The following STK39 variants were observed in gnomAD, a reference collection of about 807,000 sequenced individuals.
The protein encoded by STK39 is serine/threonine kinase 39.
Under a neutral mutation model 77.8 loss-of-function variants are expected in STK39, and 20 were observed. The observed-to-expected ratio is 0.26, with a 90% confidence interval of 0.18 to 0.37. The LOEUF is 0.37. Among genes scored for constraint, STK39 ranks in the 10% least tolerant of loss-of-function variants. The pLI is 1.00. For missense variants in STK39, 479 were observed against 656.5 expected (o/e 0.73, Z 2.95); for synonymous variants, 246 against 234.1 (o/e 1.05, Z -0.47).
chr2:168,047,825 A>AG (rs1685284043), intron 14 of STK39, among the ~76,000 whole-genome samples: 1 of 152,204 alleles, frequency 6.6e-6, no homozygotes, highest in Non-Finnish European at 1.5e-5. Flanking sequence ...AATGAGTCAA[A>AG]GGGTTTTAAA....
chr2:168,107,979 A>C (rs116072871), intron 10 of STK39, among the ~76,000 whole-genome samples: 1 of 152,340 alleles, frequency 6.6e-6, no homozygotes, highest in East Asian at 1.9e-4. Context: ...TTCCAAGCCA[A>C]CCAAATTTTA....
At chr2:168,223,556 A>C (rs1241487405) in intron 1 of STK39, among the ~76,000 whole-genome samples, 3 of 151,814 alleles carry the variant, frequency 2.0e-5, no homozygotes, top group Non-Finnish European at 4.4e-5. Context: ...TCTTATCCTG[A>C]AGTTTGAGAA....
At position 168,247,461 on chromosome 2, in the gene STK39, C is replaced by A; in HGVS notation, c.-26G>T. 7.7e-7 allele frequency: 1 copy of A among 1,305,528 alleles called. No individual in the cohort carries two copies. The highest frequency in any genetic ancestry group is 9.9e-7 in the Non-Finnish European group (1 of 1,012,840). 80.9% of individuals were successfully genotyped at this position (1,305,528 alleles called of 1,614,324 possible). ...GATGCTGCGGAGGAGAGCAGGAGGA[C>A]GCGCCGGCCGACGGACGACCTTCCA... On this transcript the variant is annotated 5_prime_UTR_variant, in exon 1 of 18. Transcript: ENST00000355999.
At chr2:168,070,090 T>A (rs983806696) in intron 12 of STK39, among the ~76,000 whole-genome samples, 2 of 152,284 alleles carry the variant, frequency 1.3e-5, no homozygotes, top group East Asian at 1.9e-4. Flanking sequence ...AATAATGGGA[T>A]AACAGTTGAA....
chr2:168,215,177 G>T (rs912714530), intron 1 of STK39, among the ~76,000 whole-genome samples: 1 of 152,130 alleles, frequency 6.6e-6, no homozygotes, highest in African/African-American at 2.4e-5. Context: ...TTGTAGAGTT[G>T]TTTTTTATGC....
intron 17 of STK39, among the ~76,000 whole-genome samples, chr2:167,956,529 A>T (rs972171848): frequency 2.7e-5 from 4 of 148,200 alleles, no homozygotes; most frequent in Admixed American, 2.0e-4. Context: ...GTGCCACTGC[A>T]CTCCAGCCTG....
chr2:168,161,512 A>G (rs1415517149), intron 5 of STK39, among the ~76,000 whole-genome samples: 2 of 152,250 alleles, frequency 1.3e-5, no homozygotes, highest in African/African-American at 4.8e-5. Flanking sequence ...TATTACCATT[A>G]TAAAATGTGA....
At chr2:168,133,753 G>A (rs1471755958) in intron 8 of STK39, among the ~76,000 whole-genome samples, 1 of 151,966 alleles carries the variant, frequency 6.6e-6, no homozygotes, top group Non-Finnish European at 1.5e-5. Context: ...AGCTACTCAG[G>A]AGGCTGAGGC....
intron 16 of STK39, among the ~76,000 whole-genome samples, chr2:168,010,046 A>C (rs1264935613): frequency 6.6e-6 from 1 of 152,168 alleles, no homozygotes; most frequent in Non-Finnish European, 1.5e-5. Context: ...AGAAGATGTG[A>C]CCTAATGCCT....
intron 8 of STK39, among the ~76,000 whole-genome samples, chr2:168,134,919 G>A (rs1044374708): frequency 6.6e-6 from 1 of 152,132 alleles, no homozygotes; most frequent in African/African-American, 2.4e-5. Context: ...TTAGGCAAGA[G>A]AAATAATAAA....
At chr2:167,968,497 G>C (rs932439921) in intron 16 of STK39, among the ~76,000 whole-genome samples, 1 of 152,214 alleles carries the variant, frequency 6.6e-6, no homozygotes, top group Non-Finnish European at 1.5e-5. Context: ...TCTGGTAACA[G>C]TGAGTTAATT....
At chr2:168,027,883 T>C (rs1215708771) in intron 14 of STK39, among the ~76,000 whole-genome samples, 1 of 152,216 alleles carries the variant, frequency 6.6e-6, no homozygotes, top group Middle Eastern at 3.2e-3. Context: ...AGTGCACACA[T>C]GTCAGCCTTT....
intron 1 of STK39, among the ~76,000 whole-genome samples, chr2:168,232,419 ATTTAAT>A (rs1450137527): frequency 6.6e-6 from 1 of 152,206 alleles, no homozygotes; most frequent in East Asian, 1.9e-4. Context: ...ACAAGGAAAT[ATTTAAT>A]TTTAAACAAC....
In STK39 at chr2:168,130,550, A is replaced by T. The variant is rs575268542; in HGVS notation, c.975-792T>A. 1.8e-4 allele frequency among the ~76,000 whole-genome samples: 28 copies of T among 152,274 alleles called. 2 individuals are homozygous for T. The South Asian group carries it at 5.2e-3, about 28-fold the overall frequency. Reference sequence around the variant, plus strand: ...TAAATTTAACCATCAGTCCCCAGGCACCAAATCTCTCCCTTGCAAAGGTCA... The same window carrying T: ...TAAATTTAACCATCAGTCCCCAGGCTCCAAATCTCTCCCTTGCAAAGGTCA... On this transcript the variant is annotated intron_variant, in intron 8 of 17. Transcript: ENST00000355999.
chr2:168,127,623 G>C lies in STK39; in HGVS notation c.1089+1918C>G, dbSNP rs144957687. Among the ~76,000 whole-genome samples, 542 of 152,290 alleles carry C rather than the reference G, an allele frequency of 3.6e-3. 6 individuals are homozygous for C. Among genetic ancestry groups the C allele is most frequent in the African/African-American group, 0.013 (521 of 41,544 alleles). On this transcript the variant is annotated intron_variant, in intron 10 of 17. Coordinates refer to ENST00000355999, the MANE Select transcript of STK39 (RefSeq NM_013233.3). The stretch of plus-strand genomic sequence containing the variant: ...GAAGTTGAAATAGTGCCATAAATTC[G>C]AGGCTAAGGATCTTGGTCTTTATTA...
At chr2:167,972,040 TG>T (rs1425973448) in intron 16 of STK39, among the ~76,000 whole-genome samples, 1 of 152,200 alleles carries the variant, frequency 6.6e-6, no homozygotes. Context: ...TGCCTGTGGT[TG>T]ATGAAACAAA....
rs976047620 is a variant in STK39 at position 168,067,515 on chromosome 2, C to T, written c.1243-2134G>A. Among the ~76,000 whole-genome samples the T allele has an allele frequency of 3.3e-5, 5 of 152,278 alleles. 1 individual carries two copies. Among genetic ancestry groups the T allele is most frequent in the African/African-American group, 1.2e-4 (5 of 41,560 alleles). ...GAAGCTGAGCAGCTGCCAGCATCAGCTTATACAGCCTGCAGAACCGTGAGT... is the reference window on the plus strand; with the variant it reads ...GAAGCTGAGCAGCTGCCAGCATCAGTTTATACAGCCTGCAGAACCGTGAGT... On this transcript the variant is annotated intron_variant, in intron 12 of 17. Coordinates refer to ENST00000355999, the MANE Select transcript of STK39 (RefSeq NM_013233.3).
chr2:168,056,022 T>A (rs931464712), intron 14 of STK39, among the ~76,000 whole-genome samples: 3 of 152,038 alleles, frequency 2.0e-5, no homozygotes, highest in Non-Finnish European at 4.4e-5. Flanking sequence ...ACAAAAAAAA[T>A]TTGCAAAAAA....
intron 16 of STK39, among the ~76,000 whole-genome samples, chr2:168,002,484 T>C (rs529480842): frequency 5.8e-4 from 88 of 152,348 alleles, no homozygotes; most frequent in Non-Finnish European, 1.1e-3. Flanking sequence ...TGTTAGAATC[T>C]GCAGACAGAT....
Sources: gnomAD v4.1 joint callset for allele counts (sites outside exome capture counted in the v4.1 genomes callset) on GRCh38, gnomAD v4.1.1 for gene constraint, MANE v1.5 for transcripts, NCBI Gene and HGNC (gene_info 2026-07-23, HGNC 2026-07-21) for gene names.